The following CHRM3 variants were observed in gnomAD, a reference collection of about 807,000 sequenced individuals.
CHRM3 encodes the protein muscarinic acetylcholine receptor M3.
CHRM3 carries 11 observed loss-of-function variants against 41.8 expected under a neutral mutation model. The observed-to-expected ratio is 0.26, with a 90% CI of 0.17 to 0.44. The LOEUF (loss-of-function observed/expected upper bound fraction) is 0.44. CHRM3 is among the 20% of genes least tolerant of loss of function. The pLI is 1.00. For missense variants in CHRM3, 571 were observed against 745.4 expected (o/e 0.77, Z 2.72); for synonymous variants, 297 against 301.4 (o/e 0.99, Z 0.15).
chr1:239,602,110 GTATA>G (rs1186014237), intron 3 of CHRM3, among the ~76,000 whole-genome samples: 8 of 112,862 alleles, frequency 7.1e-5, no homozygotes, highest in African/African-American at 1.7e-4. Flanking sequence ...GTGTGTGTGT[GTATA>G]TATATATATA....
chr1:239,903,132 G>C (rs895862399), intron 6 of CHRM3, among the ~76,000 whole-genome samples: 12 of 152,136 alleles, frequency 7.9e-5, no homozygotes, highest in African/African-American at 2.9e-4. Context: ...TTCATTTTCT[G>C]TATTCAAACA....
intron 6 of CHRM3, among the ~76,000 whole-genome samples, chr1:239,894,800 T>C (rs957239714): frequency 3.3e-5 from 5 of 152,060 alleles, no homozygotes; most frequent in Admixed American, 2.0e-4. Context: ...TCCTGTTTCA[T>C]TGAATCACTT....
chr1:239,906,660 G>A (rs1347990942), intron 6 of CHRM3, among the ~76,000 whole-genome samples: 5 of 152,172 alleles, frequency 3.3e-5, no homozygotes, highest in African/African-American at 1.2e-4. Flanking sequence ...GTGTGTGGGT[G>A]TGTCCATTTG....
chr1:239,891,825 G>T (rs1158336125), intron 6 of CHRM3, among the ~76,000 whole-genome samples: 1 of 152,158 alleles, frequency 6.6e-6, no homozygotes, highest in Non-Finnish European at 1.5e-5. Flanking sequence ...AGAAGGAGGG[G>T]TAGCATCAGG....
At chr1:239,594,061 T>C (rs1203467932) in intron 3 of CHRM3, among the ~76,000 whole-genome samples, 2 of 152,226 alleles carry the variant, frequency 1.3e-5, no homozygotes, top group African/African-American at 4.8e-5. Flanking sequence ...TTTTTCTCCC[T>C]TTTAATGTCT....
intron 6 of CHRM3, among the ~76,000 whole-genome samples, chr1:239,898,893 A>T (rs574883354): frequency 6.6e-6 from 1 of 152,174 alleles, no homozygotes; most frequent in African/African-American, 2.4e-5. Context: ...ACCCCAGAAA[A>T]GTTATTTTTT....
intron 3 of CHRM3, among the ~76,000 whole-genome samples, chr1:239,623,279 C>T (rs1330416276): frequency 7.1e-6 from 1 of 140,754 alleles, no homozygotes; most frequent in South Asian, 2.4e-4. Context: ...AACCCCACAA[C>T]AGGCCCCGGG....
At chr1:239,710,788 A>T (rs995257427) in intron 5 of CHRM3, among the ~76,000 whole-genome samples, 2 of 151,954 alleles carry the variant, frequency 1.3e-5, no homozygotes, top group Admixed American at 6.6e-5. Flanking sequence ...CTTAATAAAT[A>T]TGGCTTTAGA....
chr1:239,648,679 T>C (rs1451373133), intron 4 of CHRM3, among the ~76,000 whole-genome samples: 1 of 152,074 alleles, frequency 6.6e-6, no homozygotes, highest in African/African-American at 2.4e-5. Flanking sequence ...TGGAAGCCAA[T>C]TGATAGATTG....
intron 3 of CHRM3, among the ~76,000 whole-genome samples, chr1:239,574,100 A>G (rs1036243168): frequency 6.6e-6 from 1 of 152,144 alleles, no homozygotes; most frequent in African/African-American, 2.4e-5. Flanking sequence ...TTCTTTGTAC[A>G]CAGATAGTTT....
intron 2 of CHRM3, among the ~76,000 whole-genome samples, chr1:239,508,369 A>G (rs767428661): frequency 1.3e-5 from 2 of 152,148 alleles, no homozygotes; most frequent in Non-Finnish European, 2.9e-5. Flanking sequence ...TGTAAATAAT[A>G]TGTTTAAGTG....
chr1:239,476,489 T>C (rs1013425108), intron 1 of CHRM3, among the ~76,000 whole-genome samples: 8 of 150,522 alleles, frequency 5.3e-5, no homozygotes, highest in African/African-American at 1.9e-4. Flanking sequence ...AAATTGCTGG[T>C]TTCTCACACT....
chr1:239,643,095 C>G (rs572182638), intron 4 of CHRM3, among the ~76,000 whole-genome samples: 1 of 152,152 alleles, frequency 6.6e-6, no homozygotes, highest in Non-Finnish European at 1.5e-5. Context: ...TCGTGATCCG[C>G]GAATCCTGCT....
intron 1 of CHRM3, among the ~76,000 whole-genome samples, chr1:239,407,417 T>TATATATATATATATATATAGAGAGAGAG: frequency 4.6e-4 from 62 of 134,198 alleles, no homozygotes; most frequent in Non-Finnish European, 7.6e-4. Context: ...TATATATATA[T>TATATATATATATATATATAGAGAGAGAG]AGAGAGAGAG....
At chr1:239,410,625 C>A (rs1240580828) in intron 1 of CHRM3, among the ~76,000 whole-genome samples, 3 of 152,248 alleles carry the variant, frequency 2.0e-5, no homozygotes, top group Non-Finnish European at 4.4e-5. Flanking sequence ...TTTTACCTCC[C>A]GTATGGATTC....
chr1:239,857,005 G>GA (rs1272122022), intron 6 of CHRM3, among the ~76,000 whole-genome samples: 1 of 152,192 alleles, frequency 6.6e-6, no homozygotes, highest in East Asian at 1.9e-4. Context: ...TAAAAGAAGA[G>GA]ATGGCCAGTG....
At chr1:239,827,676 G>A (rs1672563201) in intron 6 of CHRM3, among the ~76,000 whole-genome samples, 2 of 152,060 alleles carry the variant, frequency 1.3e-5, no homozygotes. Flanking sequence ...TTTGCTAAGT[G>A]ATTGTATAAA....
At chr1:239,654,431 C>A (rs1201622505) in intron 4 of CHRM3, among the ~76,000 whole-genome samples, 1 of 152,206 alleles carries the variant, frequency 6.6e-6, no homozygotes, top group Non-Finnish European at 1.5e-5. Flanking sequence ...CGGAGTCTCA[C>A]TCTGTCACCC....
At chr1:239,783,483 G>T (rs920083099) in intron 5 of CHRM3, among the ~76,000 whole-genome samples, 1 of 152,032 alleles carries the variant, frequency 6.6e-6, no homozygotes, top group Non-Finnish European at 1.5e-5. Context: ...GTATATGCAG[G>T]ATTTATATAA....
Sources: allele counts gnomAD v4.1 joint callset (sites outside exome capture counted in the v4.1 genomes callset), GRCh38; gene constraint gnomAD v4.1.1; transcripts MANE v1.5; gene names NCBI Gene and HGNC (gene_info 2026-07-23, HGNC 2026-07-21).